WIPF1: variants seen among roughly 807,000 people sequenced by gnomAD.
The protein encoded by WIPF1 is WAS/WASL interacting protein family member 1.
In WIPF1, 13 loss-of-function variants were observed where a neutral mutation model predicts 35.4. The observed-to-expected ratio is 0.37, with a 90% CI of 0.24 to 0.58. The LOEUF is 0.58. Among genes scored for constraint, WIPF1 ranks in the 20% least tolerant of loss-of-function variants. WIPF1 has a pLI of 0.74. For missense variants in WIPF1, 591 were observed against 667.0 expected, an observed-to-expected ratio of 0.89 and a Z score of 1.25; for synonymous variants, 267 against 266.3, an observed-to-expected ratio of 1.00 and a Z score of -0.02.
At chr2:174,599,493 G>C (rs1024909596), upstream of WIPF1, among the ~76,000 whole-genome samples, 3 of 152,110 alleles carry the variant, frequency 2.0e-5, no homozygotes, top group Non-Finnish European at 4.4e-5. Context: ...GGCAGGGACC[G>C]CCTCTTGTCT....
chr2:174,609,545 CTGA>C (rs1686280067), intron 1 of WIPF1, among the ~76,000 whole-genome samples: 1 of 152,180 alleles, frequency 6.6e-6, no homozygotes, highest in Non-Finnish European at 1.5e-5. Flanking sequence ...CTTTTGTTTT[CTGA>C]TGAGTTGTAC....
chr2:174,637,413 A>C (rs549675705), intron 1 of WIPF1, among the ~76,000 whole-genome samples: 8 of 152,188 alleles, frequency 5.3e-5, no homozygotes, highest in Non-Finnish European at 8.8e-5. Flanking sequence ...TTCAATTTTA[A>C]TTAGTTCTGC....
intron 1 of WIPF1, among the ~76,000 whole-genome samples, chr2:174,585,848 C>T (rs1685400752): frequency 6.6e-6 from 1 of 152,212 alleles, no homozygotes; most frequent in Non-Finnish European, 1.5e-5. Flanking sequence ...TACTCGGCTC[C>T]ATTCCCCCAC....
chr2:174,561,435 C>A lies in WIPF1; in HGVS notation c.*1112G>T, dbSNP rs1684480950. 6.6e-6 allele frequency: 1 copy of A among 152,264 alleles called. No homozygotes were observed. Among genetic ancestry groups the A allele is most frequent in the South Asian group, 2.1e-4 (1 of 4,834 alleles). 9.4% of individuals were successfully genotyped at this position (152,264 alleles called of 1,614,324 possible). A position where few individuals can be genotyped will look rare whatever the true frequency, so the allele number is the denominator to read the frequency against. Reference sequence around the variant, plus strand: ...TGCTTCCATTTCACAAGGCAGAAGTCCAGCTGACAAGTGGAGTGCGTGAGC... The same window carrying A: ...TGCTTCCATTTCACAAGGCAGAAGTACAGCTGACAAGTGGAGTGCGTGAGC... On this transcript the variant is annotated 3_prime_UTR_variant, in exon 8 of 8. Transcript: ENST00000679041.
chr2:174,627,528 TTCTC>T (rs1164317581), intron 1 of WIPF1, among the ~76,000 whole-genome samples: 14 of 145,678 alleles, frequency 9.6e-5, no homozygotes, highest in East Asian at 9.0e-4. Flanking sequence ...CCCTCCCTCC[TTCTC>T]TCTTTCTTTC....
intron 1 of WIPF1, among the ~76,000 whole-genome samples, chr2:174,620,808 T>A (rs575465181): frequency 1.3e-5 from 2 of 152,276 alleles, no homozygotes; most frequent in African/African-American, 4.8e-5. Flanking sequence ...ATGGAAGGCT[T>A]CACAGAGGCA....
intron 1 of WIPF1, among the ~76,000 whole-genome samples, chr2:174,592,157 A>G (rs1685635715): frequency 6.6e-6 from 1 of 152,206 alleles, no homozygotes; most frequent in Non-Finnish European, 1.5e-5. Flanking sequence ...TTAGTTTCAT[A>G]GCCAACTTAC....
intron 1 of WIPF1, among the ~76,000 whole-genome samples, chr2:174,628,408 C>A (rs979806977): frequency 1.6e-4 from 24 of 152,160 alleles, no homozygotes; most frequent in African/African-American, 5.6e-4. Context: ...AGATTCAGGA[C>A]CTATTTTCCA....
intron 1 of WIPF1, among the ~76,000 whole-genome samples, chr2:174,636,947 C>T (rs1453105119): frequency 6.6e-6 from 1 of 152,178 alleles, no homozygotes; most frequent in African/African-American, 2.4e-5. Flanking sequence ...TAAAGTTGCT[C>T]CCTGCTTCTC....
chr2:174,570,538 T>C (rs1046361594), intron 5 of WIPF1: 2 of 152,192 alleles, frequency 1.3e-5, no homozygotes, highest in Admixed American at 1.3e-4. Context: ...CATGGCACAA[T>C]GGTTTCAAGG....
In WIPF1 at chr2:174,562,475, G is replaced by T. The variant is rs1312363880; in HGVS notation, c.*72C>A. 9.3e-6 allele frequency: 15 copies of T among 1,609,680 alleles called. No individual in the cohort carries two copies. Among genetic ancestry groups the T allele is most frequent in the Non-Finnish European group, 1.3e-5 (15 of 1,177,910 alleles). On this transcript the variant is annotated 3_prime_UTR_variant, in exon 8 of 8. Coordinates refer to ENST00000679041, the MANE Select transcript of WIPF1 (RefSeq NM_001375834.1). ...CATGAGGCACAAGGGAAGAAGCAGGGAGGAGGGTATGCAGTTCTTAGATAG... is the reference window on the plus strand; with the variant it reads ...CATGAGGCACAAGGGAAGAAGCAGGTAGGAGGGTATGCAGTTCTTAGATAG...
chr2:174,627,444 C>G (rs1574846063), intron 1 of WIPF1, among the ~76,000 whole-genome samples: 1 of 149,098 alleles, frequency 6.7e-6, no homozygotes, highest in African/African-American at 2.5e-5. Context: ...CTTTCTCTTT[C>G]TTTCCTTTCT....
At chr2:174,671,608 G>C (rs1433768149) in intron 1 of WIPF1, among the ~76,000 whole-genome samples, 2 of 152,100 alleles carry the variant, frequency 1.3e-5, no homozygotes, top group Non-Finnish European at 2.9e-5. Flanking sequence ...CTTTTTCTCA[G>C]CAAGGAACAG....
At chr2:174,589,190 T>C (rs1481604626) in intron 1 of WIPF1, among the ~76,000 whole-genome samples, 2 of 152,200 alleles carry the variant, frequency 1.3e-5, no homozygotes, top group Non-Finnish European at 2.9e-5. Flanking sequence ...TGGCTGTCTT[T>C]CCACCAGCCT....
In WIPF1 at chr2:174,572,312, G is replaced by C; in HGVS notation, c.493C>G (p.Gln165Glu). 6.2e-7 allele frequency: 1 copy of C among 1,614,156 alleles called. No homozygotes were observed. The highest frequency in any genetic ancestry group is 8.5e-7 in the Non-Finnish European group (1 of 1,180,026). ...CTTGGGGGCGGCATTCGGTTCCTCTGAGGCTCTGGGGGACCACTTCTGTGG... is the reference window on the plus strand; with the variant it reads ...CTTGGGGGCGGCATTCGGTTCCTCTCAGGCTCTGGGGGACCACTTCTGTGG... The part of the protein sequence containing the change: ...PGHRSGPPEP[Q>E]RNRMPPPRPD... Residue 165 changes from glutamine to glutamate, a missense_variant, in exon 5 of 8, where the codon CAG becomes GAG. Gln to Glu is a conservative substitution (Grantham distance 29). This residue lies in a region of WIPF1 where 471 missense variants were observed against 501.1 expected (regional missense o/e 0.94). Coordinates refer to ENST00000679041, the MANE Select transcript of WIPF1 (RefSeq NM_001375834.1).
intron 2 of WIPF1, among the ~76,000 whole-genome samples, chr2:174,583,004 G>T (rs1685287245): frequency 1.3e-5 from 2 of 152,074 alleles, no homozygotes; most frequent in South Asian, 4.1e-4. Context: ...TAAATCATTT[G>T]CCCCAGGCAC....
intron 1 of WIPF1, among the ~76,000 whole-genome samples, chr2:174,612,870 A>G (rs536573559): frequency 6.6e-6 from 1 of 152,364 alleles, no homozygotes; most frequent in Non-Finnish European, 1.5e-5. Context: ...TTCATAAACA[A>G]AATAAAATAT....
rs1215620045 is a variant in WIPF1, at chr2:174,568,114, A to T, written c.1130-41T>A. ...ACACTTAGTGCAGAACCTTACATCC[A>T]CATTCCATTACCGTGGTCACCATTG... On this transcript the variant is annotated intron_variant, in intron 5 of 7. Coordinates refer to ENST00000679041, the MANE Select transcript of WIPF1 (RefSeq NM_001375834.1). 11 of 1,577,992 alleles carry T rather than the reference A, an allele frequency of 7.0e-6. No homozygotes were observed. The South Asian group carries it at 1.3e-4, about 18-fold the overall frequency.
chr2:174,593,657 A>G (rs1685700478), intron 1 of WIPF1, among the ~76,000 whole-genome samples: 1 of 152,266 alleles, frequency 6.6e-6, no homozygotes, highest in Non-Finnish European at 1.5e-5. Flanking sequence ...AATGCTCAAC[A>G]GGAAAATTGA....
Sources: allele counts gnomAD v4.1 joint callset (sites outside exome capture counted in the v4.1 genomes callset), GRCh38; gene constraint gnomAD v4.1.1; regional missense constraint gnomAD v4.1.1; transcripts MANE v1.5; gene names NCBI Gene and HGNC (gene_info 2026-07-23, HGNC 2026-07-21).